Variants in MYH10 observed in about 807,000 individuals in gnomAD.
The protein encoded by MYH10 is myosin-10.
MYH10 carries 55 observed loss-of-function variants against 257.8 expected under a neutral mutation model. That is an observed-to-expected ratio of 0.21 (90% confidence interval 0.17 to 0.27). MYH10 has a LOEUF of 0.27. Ranked by LOEUF, MYH10 falls within the 10% of genes least tolerant of loss-of-function variation. The pLI is 1.00. For synonymous variants in MYH10, 854 were observed against 921.7 expected, an observed-to-expected ratio of 0.93 and a Z score of 1.33; for missense variants, 1,631 against 2,500.6, an observed-to-expected ratio of 0.65 and a Z score of 7.42.
intron 4 of MYH10, among the ~76,000 whole-genome samples, chr17:8,578,170 A>T (rs2083569043): frequency 6.6e-6 from 1 of 151,604 alleles, no homozygotes; most frequent in Non-Finnish European, 1.5e-5. Context: ...TGTGCCTCAT[A>T]GGCTGGGTTC....
At chr17:8,495,926 G>A (rs1279873092) in intron 30 of MYH10, among the ~76,000 whole-genome samples, 1 of 152,058 alleles carries the variant, frequency 6.6e-6, no homozygotes, top group East Asian at 1.9e-4. Flanking sequence ...GGCCAGGCTG[G>A]TCTCGAACTC....
chr17:8,537,671 C>T (rs1339693032), intron 14 of MYH10, among the ~76,000 whole-genome samples: 1 of 152,190 alleles, frequency 6.6e-6, no homozygotes, highest in East Asian at 1.9e-4. Context: ...TCCTTTTACC[C>T]TTTTACATTC....
intron 34 of MYH10, among the ~76,000 whole-genome samples, chr17:8,491,958 T>C (rs1366600835): frequency 1.3e-5 from 2 of 152,174 alleles, no homozygotes; most frequent in Admixed American, 6.5e-5. Context: ...CACCTCATGT[T>C]TGATAACTAC....
At chr17:8,610,202 C>A (rs529396063) in intron 2 of MYH10, among the ~76,000 whole-genome samples, 61 of 141,214 alleles carry the variant, frequency 4.3e-4, no homozygotes, top group African/African-American at 1.6e-3. Flanking sequence ...GAATCTGAAT[C>A]CGTTTAAGCC....
chr17:8,512,676 GTC>G lies in MYH10; in HGVS notation c.2746-21_2746-20del, dbSNP rs2081338405. ...CTAAAAGCTGCAATCACAATAAAGT[GTC>G]TGTGATTTGCCCCTATTACATACGT... On this transcript the variant is annotated intron_variant, in intron 23 of 42. Coordinates refer to ENST00000360416, the MANE Select transcript of MYH10 (RefSeq NM_001256012.3). The G allele has an allele frequency of 6.2e-7, 1 of 1,600,220 alleles. No individual in the cohort carries two copies. The highest frequency in any genetic ancestry group is 1.3e-5 in the African/African-American group (1 of 74,570).
chr17:8,579,253 TG>T (rs2083610745), intron 4 of MYH10, among the ~76,000 whole-genome samples: 1 of 149,420 alleles, frequency 6.7e-6, no homozygotes, highest in Non-Finnish European at 1.5e-5. Flanking sequence ...CACCCCAGCC[TG>T]GGCAACAGAG....
At chr17:8,496,018 T>G (rs2151830055) in intron 30 of MYH10, among the ~76,000 whole-genome samples, 1 of 152,278 alleles carries the variant, frequency 6.6e-6, no homozygotes, top group Non-Finnish European at 1.5e-5. Context: ...TGGAAGTTCT[T>G]TTAGGTTTCA....
At chr17:8,502,126 G>C (rs563693159) in intron 28 of MYH10, among the ~76,000 whole-genome samples, 1 of 152,316 alleles carries the variant, frequency 6.6e-6, no homozygotes, top group Non-Finnish European at 1.5e-5. Flanking sequence ...TCACAACTTA[G>C]AACAGTGATT....
intron 2 of MYH10, among the ~76,000 whole-genome samples, chr17:8,611,459 T>G (rs747525080): frequency 1.3e-5 from 2 of 152,196 alleles, no homozygotes; most frequent in East Asian, 3.8e-4. Flanking sequence ...ACTTGTATTA[T>G]TGCCCTGGGT....
chr17:8,574,693 A>T (rs2083448666), intron 6 of MYH10, among the ~76,000 whole-genome samples: 1 of 152,228 alleles, frequency 6.6e-6, no homozygotes, highest in Admixed American at 6.5e-5. Context: ...GTTCCTCGGG[A>T]TTCAACTTTT....
At chr17:8,624,064 T>C (rs1222551458) in intron 1 of MYH10, among the ~76,000 whole-genome samples, 6 of 152,336 alleles carry the variant, frequency 3.9e-5, no homozygotes, top group Admixed American at 3.3e-4. Context: ...GCAAACATCA[T>C]AGCCCAGATA....
chr17:8,527,457 C>T (rs576101772), intron 17 of MYH10, among the ~76,000 whole-genome samples: 3 of 152,336 alleles, frequency 2.0e-5, no homozygotes, highest in South Asian at 2.1e-4. Flanking sequence ...GCTCTGCGCT[C>T]GCTTTCTCCC....
rs1912922733 is a variant in MYH10, at chr17:8,477,747, A to G, written c.5706+591T>C. On this transcript the variant is annotated intron_variant, in intron 41 of 42. Coordinates refer to ENST00000360416, the MANE Select transcript of MYH10 (RefSeq NM_001256012.3). The surrounding 1 kb of genome is among the most constrained non-coding windows in gnomAD (Gnocchi z 4.2). ...CTCAGATCCATCCACCTTTCTGGCCAGTGTCTGCAGTGTGAAGTCTCACCA... is the reference window on the plus strand; with the variant it reads ...CTCAGATCCATCCACCTTTCTGGCCGGTGTCTGCAGTGTGAAGTCTCACCA... Among the ~76,000 whole-genome samples the G allele has an allele frequency of 6.6e-6, 1 of 152,200 alleles. No homozygotes were observed. The highest frequency in any genetic ancestry group is 2.1e-4 in the South Asian group (1 of 4,832).
chr17:8,615,745 A>T (rs576916398), intron 2 of MYH10, among the ~76,000 whole-genome samples: 116 of 152,350 alleles, frequency 7.6e-4, no homozygotes, highest in African/African-American at 2.7e-3. Context: ...ATTAATTTTT[A>T]AAAAATCAAC....
At chr17:8,570,933 C>A (rs1392316606) in intron 6 of MYH10, among the ~76,000 whole-genome samples, 1 of 152,184 alleles carries the variant, frequency 6.6e-6, no homozygotes, top group African/African-American at 2.4e-5. Context: ...GGGACCTGCT[C>A]TGCCTACATC....
chr17:8,547,257 T>C (rs2082474804), intron 11 of MYH10, among the ~76,000 whole-genome samples: 2 of 152,152 alleles, frequency 1.3e-5, no homozygotes, highest in Non-Finnish European at 1.5e-5. Flanking sequence ...TTATGGGTCA[T>C]TAAAAAATTT....
chr17:8,546,419 G>T, intron 12 of MYH10, 125 bp downstream of exon 12: 6 of 687,270 alleles, frequency 8.7e-6, no homozygotes, highest in African/African-American at 1.9e-5. Flanking sequence ...AACTCATTTA[G>T]TACCTAAAAA....
intron 36 of MYH10, among the ~76,000 whole-genome samples, chr17:8,486,984 G>C (rs144130964): frequency 2.1e-3 from 318 of 152,258 alleles, no homozygotes; most frequent in African/African-American, 7.1e-3. Context: ...CCATCCTATA[G>C]GTGAGGGCCC....
chr17:8,588,830 C>G (rs1257529199), intron 4 of MYH10, among the ~76,000 whole-genome samples: 2 of 152,214 alleles, frequency 1.3e-5, no homozygotes, highest in Non-Finnish European at 2.9e-5. Context: ...TAGGCCTACA[C>G]TTTGACCTAT....
Sources: gnomAD v4.1 joint callset for allele counts (sites outside exome capture counted in the v4.1 genomes callset) on GRCh38, gnomAD v4.1.1 for gene constraint, Gnocchi (gnomAD v3.1) non-coding constraint, MANE v1.5 for transcripts, NCBI Gene and HGNC (gene_info 2026-07-23, HGNC 2026-07-21) for gene names.